VPS13C: variants seen among roughly 807,000 people sequenced by gnomAD.
VPS13C encodes intermembrane lipid transfer protein VPS13C.
In VPS13C, 358 loss-of-function variants were observed where a neutral mutation model predicts 456.8. That is an observed-to-expected ratio of 0.78 (90% CI 0.72 to 0.86). The LOEUF (loss-of-function observed/expected upper bound fraction) is 0.86. Ranked by LOEUF, VPS13C falls within the 40% of genes least tolerant of loss-of-function variation. VPS13C has a pLI of 0.00. For missense variants in VPS13C, 4,818 were observed against 4,385.4 expected (o/e 1.10, Z -2.79); for synonymous variants, 1,578 against 1,486.7 (o/e 1.06, Z -1.41).
intron 55 of VPS13C, among the ~76,000 whole-genome samples, chr15:61,921,030 CT>C (rs1479225890): frequency 6.6e-6 from 1 of 151,960 alleles, no homozygotes; most frequent in East Asian, 1.9e-4. Flanking sequence ...GGAAATGTTT[CT>C]CTCCTTCTAT....
intron 3 of VPS13C, among the ~76,000 whole-genome samples, chr15:62,035,610 T>C (rs935565244): frequency 6.6e-6 from 1 of 151,966 alleles, no homozygotes; most frequent in Non-Finnish European, 1.5e-5. Flanking sequence ...TTTGTGCAAA[T>C]GGAATTTTGA....
At chr15:61,962,885 C>T (rs1355330969) in intron 32 of VPS13C, 33 bp from the exon 33 acceptor site, 5 of 1,406,640 alleles carry the variant, frequency 3.6e-6, no homozygotes, top group African/African-American at 2.9e-5. Flanking sequence ...ATAATTTCTA[C>T]AGACCTACCA....
intron 23 of VPS13C, among the ~76,000 whole-genome samples, chr15:61,978,069 A>T (rs2045761598): frequency 6.6e-6 from 1 of 152,042 alleles, no homozygotes; most frequent in African/African-American, 2.4e-5. Context: ...AAAAACAAAA[A>T]TATTTACGTA....
rs1396677545 is a variant in VPS13C, at chr15:61,920,161, A to C, written c.7383T>G (p.Asn2461Lys). The change falls in exon 57 of 85, where the codon AAT becomes AAG. Residue 2461 changes from asparagine (N) to lysine (K), a missense_variant. Coordinates refer to ENST00000644861, the MANE Select transcript of VPS13C (RefSeq NM_020821.3). Reference protein sequence around the residue: ...SDIFDVDAGQNLELEYASMVP... With the variant: ...SDIFDVDAGQKLELEYASMVP... ...CCATGCTGGCATACTCCAGTTCCAA[A>C]TTCTGGCCAGCATCAACATCAAAAA... 15 of 1,613,480 alleles carry C rather than the reference A, an allele frequency of 9.3e-6. No individual in the cohort carries two copies. The highest frequency in any genetic ancestry group is 1.3e-5 in the African/African-American group (1 of 74,872).
In VPS13C at chr15:61,947,170, TACA is replaced by T. The variant is rs771451677; in HGVS notation, c.4876+20_4876+22del. 6 of 1,444,860 alleles carry T rather than the reference TACA, an allele frequency of 4.2e-6. No individual in the cohort carries two copies. Among genetic ancestry groups the T allele is most frequent in the African/African-American group, 2.9e-5 (2 of 68,506 alleles). The allele number at this position is 1,444,860 out of a possible 1,614,324, so 89.5% of individuals were successfully genotyped here. ...AGTTATGTAAAGAAACAGAAATACC[TACA>T]ACAAGAAGTAACTACTTACCATGTA... is the stretch of plus-strand genomic sequence containing the variant. On this transcript the variant is annotated intron_variant, in intron 43 of 84. Transcript: ENST00000644861.
At chr15:61,995,072 G>A (rs1356153271) in intron 16 of VPS13C, among the ~76,000 whole-genome samples, 1 of 152,174 alleles carries the variant, frequency 6.6e-6, no homozygotes, top group Non-Finnish European at 1.5e-5. Context: ...CCTACTCACT[G>A]TCTCCCATTC....
chr15:61,874,993 T>G (rs1057103231), intron 76 of VPS13C, 42 bp from the exon 77 acceptor site: 4 of 1,487,828 alleles, frequency 2.7e-6, no homozygotes, highest in Admixed American at 4.8e-5. Context: ...ATTTAAAATT[T>G]AAGTTTCAGA....
chr15:61,915,629 A>G lies in VPS13C; in HGVS notation c.8445+4T>C, dbSNP rs1013934421. 2 of 1,577,430 alleles carry G rather than the reference A, an allele frequency of 1.3e-6. No homozygotes were observed. The highest frequency in any genetic ancestry group is 8.6e-7 in the Non-Finnish European group (1 of 1,166,768). ...TTTAACTTATTATGTGAACAAAACCACACCTTATTTTTAGTAAAAATGTTC... is the reference window on the plus strand; with the variant it reads ...TTTAACTTATTATGTGAACAAAACCGCACCTTATTTTTAGTAAAAATGTTC... On this transcript the variant is annotated splice_donor_region_variant and intron_variant, in intron 61 of 84. Coordinates refer to ENST00000644861, the MANE Select transcript of VPS13C (RefSeq NM_020821.3).
At chr15:61,931,313 T>A in intron 49 of VPS13C, 54 bp from the exon 50 acceptor site, 1 of 1,478,638 alleles carries the variant, frequency 6.8e-7, no homozygotes. Flanking sequence ...ATTATATAAT[T>A]ACTTTTAAAC....
chr15:61,983,892 G>C lies in VPS13C; in HGVS notation c.1842C>G (p.Thr614=). 1.9e-6 allele frequency: 3 copies of C among 1,614,116 alleles called. No individual in the cohort carries two copies. The highest frequency in any genetic ancestry group is 2.5e-6 in the Non-Finnish European group (3 of 1,180,004). The stretch of plus-strand genomic sequence containing the variant: ...GGTCAGCAGGACTATCCTCCGGATT[G>C]GTTTCAAATTTAATTTTAAGCAAGG... ...TSSLLKIKFE[T]NPEDSPADQT... Residue 614 remains threonine, a synonymous_variant, in exon 20 of 85, where the codon ACC becomes ACG. Transcript: ENST00000644861.
chr15:61,869,670 A>T, intron 79 of VPS13C, 47 bp from the exon 80 acceptor site: 2 of 1,607,480 alleles, frequency 1.2e-6, no homozygotes, highest in Non-Finnish European at 1.7e-6. Context: ...TTTTTAAATG[A>T]GCAAGTTTGA....
intron 34 of VPS13C, 132 bp downstream of exon 34, chr15:61,962,239 T>C (rs1404308503): frequency 6.3e-6 from 5 of 790,154 alleles, no homozygotes; most frequent in African/African-American, 3.6e-5. Context: ...TTTTGATCTC[T>C]ACATTCACGC....
chr15:61,868,008 G>GT (rs1894712885), intron 81 of VPS13C: 3 of 1,134,036 alleles, frequency 2.6e-6, no homozygotes, highest in Non-Finnish European at 4.0e-6. Flanking sequence ...TAGATAAAAC[G>GT]TAATCATATA....
chr15:61,988,555 A>G (rs896876572), intron 18 of VPS13C, among the ~76,000 whole-genome samples: 2 of 152,258 alleles, frequency 1.3e-5, no homozygotes, highest in African/African-American at 4.8e-5. Flanking sequence ...TAAAATCCCA[A>G]TGAAAATCTC....
chr15:61,989,261 A>G (rs933572042), intron 18 of VPS13C, among the ~76,000 whole-genome samples: 1 of 151,722 alleles, frequency 6.6e-6, no homozygotes, highest in South Asian at 2.1e-4. Context: ...TTAGCTGGGC[A>G]TGGTGGCACA....
At chr15:61,897,958 G>A (rs369325920) in intron 66 of VPS13C, among the ~76,000 whole-genome samples, 7 of 152,034 alleles carry the variant, frequency 4.6e-5, no homozygotes, top group Admixed American at 3.3e-4. Context: ...CAACATTCTT[G>A]AAGAAAAGAA....
intron 9 of VPS13C, among the ~76,000 whole-genome samples, chr15:62,017,001 T>A (rs2047276202): frequency 6.6e-6 from 1 of 152,154 alleles, no homozygotes; most frequent in Non-Finnish European, 1.5e-5. Context: ...GCGGTTTTGA[T>A]TTGCATTTCT....
chr15:61,938,583 T>C (rs2044307908), intron 47 of VPS13C, among the ~76,000 whole-genome samples: 2 of 152,176 alleles, frequency 1.3e-5, no homozygotes, highest in Admixed American at 1.3e-4. Context: ...TAAGGATGCT[T>C]TTGGTTAAAG....
chr15:61,973,102 A>T (rs2045603827), intron 26 of VPS13C, among the ~76,000 whole-genome samples: 1 of 152,216 alleles, frequency 6.6e-6, no homozygotes, highest in African/African-American at 2.4e-5. Context: ...CACGATAGAC[A>T]TGGTCCTGTC....
Sources: gnomAD v4.1 joint callset for allele counts (sites outside exome capture counted in the v4.1 genomes callset) on GRCh38, gnomAD v4.1.1 for gene constraint, MANE v1.5 for transcripts, NCBI Gene and HGNC (gene_info 2026-07-23, HGNC 2026-07-21) for gene names.